GSE1: variants seen among roughly 807,000 people sequenced by gnomAD.
The protein encoded by GSE1 is genetic suppressor element 1.
Under a neutral mutation model 112.6 loss-of-function variants are expected in GSE1, and 32 were observed. The observed-to-expected ratio is 0.28, with a 90% confidence interval of 0.21 to 0.38. The LOEUF (loss-of-function observed/expected upper bound fraction) is 0.38. GSE1 is among the 10% of genes least tolerant of loss of function. GSE1 has a pLI of 1.00. For synonymous variants in GSE1, 1,115 were observed against 735.6 expected, an observed-to-expected ratio of 1.52 and a Z score of -8.35; for missense variants, 2,348 against 1,699.2, an observed-to-expected ratio of 1.38 and a Z score of -6.71.
At position 85,626,671 on chromosome 16, in the gene GSE1, C is replaced by T. The variant is rs1302075998; in HGVS notation, c.8-7243C>T. Among the ~76,000 whole-genome samples the T allele has an allele frequency of 3.9e-5, 6 of 152,308 alleles. No homozygotes were observed. The South Asian group carries it at 6.2e-4, about 16-fold the overall frequency. On this transcript the variant is annotated intron_variant, in intron 1 of 15. Coordinates refer to ENST00000253458, the MANE Select transcript of GSE1 (RefSeq NM_014615.5). Reference sequence around the variant, plus strand: ...GAACCGGGACCCAGCAGAAAATTCACCTCAGCTATTAGCTTGTAATTACAG... The same window carrying T: ...GAACCGGGACCCAGCAGAAAATTCATCTCAGCTATTAGCTTGTAATTACAG...
chr16:85,540,302 G>A (rs2044475864), intron 2 of GSE1, among the ~76,000 whole-genome samples: 1 of 152,184 alleles, frequency 6.6e-6, no homozygotes, highest in African/African-American at 2.4e-5. Flanking sequence ...TGTTCAATGG[G>A]CAGCACTAGA....
At chr16:85,391,879 C>G (rs991843735) in intron 2 of GSE1, among the ~76,000 whole-genome samples, 1 of 152,180 alleles carries the variant, frequency 6.6e-6, no homozygotes, top group Non-Finnish European at 1.5e-5. Flanking sequence ...TATGCTGGAA[C>G]GTGTTCCCGG....
chr16:85,550,313 C>T (rs1282236693), intron 2 of GSE1, among the ~76,000 whole-genome samples: 5 of 152,186 alleles, frequency 3.3e-5, no homozygotes, highest in Non-Finnish European at 7.3e-5. Flanking sequence ...AGCTGCTCGA[C>T]CTCTCTGTTC....
chr16:85,449,631 T>C (rs976776242), intron 2 of GSE1, among the ~76,000 whole-genome samples: 5 of 152,250 alleles, frequency 3.3e-5, no homozygotes, highest in African/African-American at 4.8e-5. Context: ...AATGCCTTGT[T>C]CCCAGCCCAG....
chr16:85,334,571 G>A (rs939729765), intron 1 of GSE1, among the ~76,000 whole-genome samples: 1 of 152,230 alleles, frequency 6.6e-6, no homozygotes, highest in Non-Finnish European at 1.5e-5. Context: ...ACTCTGAGGT[G>A]CAGGGGCAGT....
intron 1 of GSE1, among the ~76,000 whole-genome samples, chr16:85,569,455 A>G (rs1326617647): frequency 6.6e-6 from 1 of 152,220 alleles, no homozygotes; most frequent in Non-Finnish European, 1.5e-5. Flanking sequence ...TCTGGGCCTC[A>G]GTTTACTTGG....
rs372305406 is a variant in GSE1, at chr16:85,639,561, C to CT, written c.226+5431dup. ...CCATCATCCCTTGTCCTTGGAGGTG[C>CT]TTGTTGACTGACTGAATAAGAGGTG... On this transcript the variant is annotated intron_variant, in intron 2 of 15. Coordinates refer to ENST00000253458, the MANE Select transcript of GSE1 (RefSeq NM_014615.5). Among the ~76,000 whole-genome samples, 341 of 152,366 alleles carry CT rather than the reference C, an allele frequency of 2.2e-3. 4 individuals are homozygous for CT. Among genetic ancestry groups the CT allele is most frequent in the African/African-American group, 7.8e-3 (326 of 41,596 alleles).
chr16:85,220,801 C>G (rs369122560), intron 1 of GSE1, among the ~76,000 whole-genome samples: 1 of 152,178 alleles, frequency 6.6e-6, no homozygotes, highest in South Asian at 2.1e-4. Flanking sequence ...CTCCATCTCT[C>G]TCAGTATGTG....
chr16:85,273,247 G>A (rs1909029164), intron 1 of GSE1, among the ~76,000 whole-genome samples: 1 of 152,258 alleles, frequency 6.6e-6, no homozygotes, highest in Admixed American at 6.5e-5. Flanking sequence ...AGTGATGCTA[G>A]GCCATTGAGT....
chr16:85,661,584 C>G lies in GSE1; in HGVS notation c.2079C>G (p.Leu693=). The change falls in exon 9 of 16, where the codon CTC becomes CTG. Residue 693 remains leucine (L), a synonymous_variant. Coordinates refer to ENST00000253458, the MANE Select transcript of GSE1 (RefSeq NM_014615.5). ...TCCTGGGCCAGCAGCGGGCCTCCCT[C>G]CCACAGGCGGCCACCTTCGGGGAGC... ...QTILGQQRAS[L]PQAATFGELS... 2 of 1,610,438 alleles carry G rather than the reference C, an allele frequency of 1.2e-6. No homozygotes were observed. Among genetic ancestry groups the G allele is most frequent in the South Asian group, 2.2e-5 (2 of 90,720 alleles).
chr16:85,245,893 G>A (rs745980798), intron 1 of GSE1, among the ~76,000 whole-genome samples: 2 of 151,796 alleles, frequency 1.3e-5, no homozygotes, highest in African/African-American at 2.4e-5. Flanking sequence ...GTGTGTGTGC[G>A]TGTGTGTCGA....
intron 1 of GSE1, among the ~76,000 whole-genome samples, chr16:85,596,443 G>C (rs2047230506): frequency 6.6e-6 from 1 of 152,156 alleles, no homozygotes; most frequent in African/African-American, 2.4e-5. Context: ...CGTGTGTTCT[G>C]GAATCCTCCC....
chr16:85,658,094 A>G (rs1307230619), intron 8 of GSE1, among the ~76,000 whole-genome samples: 1 of 152,212 alleles, frequency 6.6e-6, no homozygotes, highest in African/African-American at 2.4e-5. Context: ...GCCCTTTATG[A>G]AAGCATTTCC....
intron 1 of GSE1, among the ~76,000 whole-genome samples, chr16:85,303,033 C>T (rs2045570010): frequency 6.6e-6 from 1 of 152,230 alleles, no homozygotes. Context: ...ATTGCGCTGA[C>T]TGGAGCCAGT....
At chr16:85,631,777 C>A (rs374189812) in intron 1 of GSE1, among the ~76,000 whole-genome samples, 1 of 152,246 alleles carries the variant, frequency 6.6e-6, no homozygotes, top group African/African-American at 2.4e-5. Flanking sequence ...GAAACGGAGG[C>A]CCTGACAGGC....
intron 2 of GSE1, among the ~76,000 whole-genome samples, chr16:85,370,353 G>A (rs1342304627): frequency 2.0e-5 from 3 of 152,120 alleles, no homozygotes; most frequent in Admixed American, 1.3e-4. Context: ...TGCCCCTCAA[G>A]CAGCTAAGCC....
intron 1 of GSE1, among the ~76,000 whole-genome samples, chr16:85,628,072 A>T (rs1356845741): frequency 6.6e-6 from 1 of 152,100 alleles, no homozygotes; most frequent in Non-Finnish European, 1.5e-5. Flanking sequence ...GTGTCCATTC[A>T]CAGCAGGCCC....
chr16:85,476,514 C>T (rs2050460316), intron 2 of GSE1, among the ~76,000 whole-genome samples: 1 of 152,244 alleles, frequency 6.6e-6, no homozygotes, highest in Non-Finnish European at 1.5e-5. Context: ...GCCTTCTGTT[C>T]CCTGGGTCAC....
intron 1 of GSE1, among the ~76,000 whole-genome samples, chr16:85,229,264 C>G (rs2143821671): frequency 6.6e-6 from 1 of 152,376 alleles, no homozygotes. Context: ...GTGGCCCTCC[C>G]TGCAGTCAGC....
Sources: gnomAD v4.1 joint callset for allele counts (sites outside exome capture counted in the v4.1 genomes callset) on GRCh38, gnomAD v4.1.1 for gene constraint, MANE v1.5 for transcripts, NCBI Gene and HGNC (gene_info 2026-07-23, HGNC 2026-07-21) for gene names.